The following EYS variants were observed in gnomAD, a reference collection of about 807,000 sequenced individuals.
The protein encoded by EYS is EGF-like photoreceptor maintenance factor.
EYS carries 250 observed loss-of-function variants against 282.1 expected under a neutral mutation model. That is an observed-to-expected ratio of 0.89 (90% confidence interval 0.80 to 0.98). EYS has a LOEUF of 0.98. EYS is among the 50% of genes least tolerant of loss of function. The pLI is 0.00. For missense variants in EYS, 4,016 were observed against 3,709.0 expected (o/e 1.08, Z -2.15); for synonymous variants, 1,355 against 1,282.9 (o/e 1.06, Z -1.20).
intron 31 of EYS, among the ~76,000 whole-genome samples, chr6:64,115,514 AG>A (rs1325663426): frequency 9.9e-5 from 15 of 152,276 alleles, no homozygotes; most frequent in African/African-American, 3.6e-4. Flanking sequence ...AGACTCCAAC[AG>A]CCCTTGCCAC....
chr6:65,382,528 TGTATTA>T (rs1765657445), intron 8 of EYS, among the ~76,000 whole-genome samples: 1 of 149,112 alleles, frequency 6.7e-6, no homozygotes, highest in Non-Finnish European at 1.5e-5. Context: ...CCTTATGCTA[TGTATTA>T]GTCAAGGTTC....
At chr6:65,196,399 A>T (rs1352660194) in intron 12 of EYS, among the ~76,000 whole-genome samples, 1 of 152,100 alleles carries the variant, frequency 6.6e-6, no homozygotes, top group Non-Finnish European at 1.5e-5. Context: ...TTTCTTACAC[A>T]TGCAATTGAA....
intron 22 of EYS, among the ~76,000 whole-genome samples, chr6:64,655,798 TATC>T (rs1198811932): frequency 6.6e-6 from 1 of 152,108 alleles, no homozygotes; most frequent in Non-Finnish European, 1.5e-5. Flanking sequence ...TAATAATAAA[TATC>T]ATATGGTCCA....
intron 31 of EYS, among the ~76,000 whole-genome samples, chr6:64,146,446 G>C (rs1417613701): frequency 1.3e-5 from 2 of 152,118 alleles, no homozygotes; most frequent in Non-Finnish European, 2.9e-5. Flanking sequence ...AGTTTGGCTT[G>C]TCCCAAAGCA....
At chr6:65,129,087 G>A (rs1245843965) in intron 12 of EYS, among the ~76,000 whole-genome samples, 3 of 151,842 alleles carry the variant, frequency 2.0e-5, no homozygotes, top group Admixed American at 2.0e-4. Flanking sequence ...ATAAATGGTG[G>A]GTGCTGAGAT....
Position 64,436,244 on chromosome 6 carries a change from C to A in EYS, c.5857G>T (p.Glu1953Ter), listed in dbSNP as rs137853189. The change falls in exon 28 of 43, where the codon GAA becomes TAA. Residue 1953 changes from glutamate (E) to a stop codon, truncating the protein, a stop_gained. Transcript: ENST00000503581. LOFTEE classifies it high-confidence loss of function. ...TLKYHFYCPG[E>*]AKFKSINTTV... ...GTATTAATGCTTTTAAATTTTGCTTCACCAGGACAGTAAAAGTGGTACTGT... is the reference window on the plus strand; with the variant it reads ...GTATTAATGCTTTTAAATTTTGCTTAACCAGGACAGTAAAAGTGGTACTGT... 3 of 1,542,610 alleles carry A rather than the reference C, an allele frequency of 1.9e-6. No individual in the cohort carries two copies. The highest frequency in any genetic ancestry group is 2.0e-5 in the Admixed American group (1 of 50,640).
chr6:63,848,996 G>T (rs910449638), intron 36 of EYS, among the ~76,000 whole-genome samples: 1 of 152,338 alleles, frequency 6.6e-6, no homozygotes, highest in Non-Finnish European at 1.5e-5. Flanking sequence ...AGCTTCGTCG[G>T]AGGAGGAGGG....
chr6:64,983,477 C>G (rs1019742692), intron 14 of EYS, among the ~76,000 whole-genome samples: 10 of 151,172 alleles, frequency 6.6e-5, no homozygotes, highest in Admixed American at 6.0e-4. Context: ...GTTTTCCCCC[C>G]ACACAAAACT....
At chr6:65,490,524 T>C in intron 5 of EYS, 70 bp downstream of exon 5, 1 of 860,874 alleles carries the variant, frequency 1.2e-6, no homozygotes, top group African/African-American at 1.7e-5. Flanking sequence ...ATATTTCACA[T>C]TTAATTTGAA....
intron 5 of EYS, among the ~76,000 whole-genome samples, chr6:65,473,842 T>C (rs950083272): frequency 1.4e-5 from 2 of 145,042 alleles, no homozygotes; most frequent in Non-Finnish European, 3.1e-5. Context: ...ATGGGATTTT[T>C]GTCTCAAAAA....
chr6:65,410,927 T>A (rs1766990401), intron 5 of EYS, among the ~76,000 whole-genome samples: 1 of 152,038 alleles, frequency 6.6e-6, no homozygotes, highest in South Asian at 2.1e-4. Flanking sequence ...TTATGTTAAG[T>A]AAAATAAATG....
chr6:65,486,707 G>A (rs921851030), intron 5 of EYS, among the ~76,000 whole-genome samples: 10 of 152,036 alleles, frequency 6.6e-5, no homozygotes, highest in African/African-American at 2.4e-4. Context: ...AGAGCATAAT[G>A]GAAATAAATT....
At chr6:65,456,114 CA>C (rs1562195462) in intron 5 of EYS, among the ~76,000 whole-genome samples, 2 of 151,762 alleles carry the variant, frequency 1.3e-5, no homozygotes, top group African/African-American at 2.4e-5. Flanking sequence ...GACACAGATA[CA>C]AAAAATTTCA....
intron 31 of EYS, among the ~76,000 whole-genome samples, chr6:64,152,518 TTTTAGTAG>T (rs574387734): frequency 7.9e-5 from 12 of 152,256 alleles, no homozygotes; most frequent in African/African-American, 2.6e-4. Flanking sequence ...ATCCCTCAAT[TTTTAGTAG>T]TTTAGGGGCT....
chr6:63,849,349 C>A (rs555167330), intron 36 of EYS, among the ~76,000 whole-genome samples: 7 of 152,190 alleles, frequency 4.6e-5, no homozygotes, highest in Non-Finnish European at 8.8e-5. Flanking sequence ...AAGGGACAGA[C>A]TACCTCCTCA....
intron 24 of EYS, among the ~76,000 whole-genome samples, chr6:64,601,180 C>G (rs1169206769): frequency 1.3e-5 from 2 of 151,966 alleles, no homozygotes; most frequent in African/African-American, 4.8e-5. Context: ...TTTTCTTTCT[C>G]CATTCTCCCC....
At chr6:63,752,158 A>G (rs1422293104) in intron 41 of EYS, among the ~76,000 whole-genome samples, 2 of 152,180 alleles carry the variant, frequency 1.3e-5, no homozygotes, top group African/African-American at 4.8e-5. Context: ...GATCCTTTCA[A>G]TCAATAACTA....
At chr6:64,431,548 A>C (rs574970327) in intron 28 of EYS, among the ~76,000 whole-genome samples, 1 of 152,290 alleles carries the variant, frequency 6.6e-6, no homozygotes, top group South Asian at 2.1e-4. Context: ...GGAGAAGCCC[A>C]GACATTGAGA....
chr6:65,471,246 A>C (rs1300462645), intron 5 of EYS, among the ~76,000 whole-genome samples: 2 of 150,816 alleles, frequency 1.3e-5, no homozygotes, highest in Non-Finnish European at 2.9e-5. Flanking sequence ...AAAAAAAAAA[A>C]AAAATTGTCA....
Sources: gnomAD v4.1 joint callset for allele counts (sites outside exome capture counted in the v4.1 genomes callset) on GRCh38, gnomAD v4.1.1 for gene constraint, MANE v1.5 for transcripts, NCBI Gene and HGNC (gene_info 2026-07-23, HGNC 2026-07-21) for gene names.